Variants in DNAAF11 observed in about 807,000 individuals in gnomAD.
DNAAF11 encodes the protein dynein axonemal assembly factor 11, also known as leucine rich repeat containing 6.
A neutral mutation model predicts 60.8 loss-of-function variants in DNAAF11; 45 were observed. The ratio of observed to expected loss-of-function variants is 0.74; its 90% confidence interval spans 0.58 to 0.95. The LOEUF (loss-of-function observed/expected upper bound fraction) is 0.95, where lower values mean the gene tolerates loss of function less well. DNAAF11 is among the 40% of genes least tolerant of loss of function. The pLI is 0.00. For synonymous variants in DNAAF11, 191 were observed against 183.5 expected, an observed-to-expected ratio of 1.04 and a Z score of -0.33; for missense variants, 546 against 546.2, an observed-to-expected ratio of 1.00 and a Z score of 0.00.
At chr8:132,595,346 GGGAAAAAAAA>G (rs1261209134) in intron 10 of DNAAF11, among the ~76,000 whole-genome samples, 43 of 8,390 alleles carry the variant, frequency 5.1e-3, no homozygotes, top group African/African-American at 0.028. Flanking sequence ...AGAGACAGAG[GGGAAAAAAAA>G]AAAAAAAAAA....
At chr8:132,670,926 C>T (rs11998161) in intron 1 of DNAAF11, among the ~76,000 whole-genome samples, 2 of 151,986 alleles carry the variant, frequency 1.3e-5, no homozygotes, top group Admixed American at 6.5e-5. Context: ...GACAACAACT[C>T]GGAAAACCAG....
chr8:132,702,905 A>G, the DNAAF11 span, among the ~76,000 whole-genome samples: 2 of 152,222 alleles, frequency 1.3e-5, no homozygotes, highest in African/African-American at 4.8e-5. Flanking sequence ...GAAGATTAGG[A>G]AGGCGGAAGG....
At chr8:132,689,396 T>C in the DNAAF11 span, among the ~76,000 whole-genome samples, 1 of 152,168 alleles carries the variant, frequency 6.6e-6, no homozygotes, top group Non-Finnish European at 1.5e-5. Context: ...TCTTTGTTTA[T>C]TGACTTTAAC....
upstream of DNAAF11, chr8:132,675,627 G>T (rs937775195): frequency 3.4e-5 from 31 of 911,798 alleles, 1 homozygote; most frequent in African/African-American, 5.0e-4. Context: ...TACGGCGGCC[G>T]CGCGGGACCA....
rs955675396 is a variant in DNAAF11, at chr8:132,633,065, T to C, written c.430-102A>G. ...GAAATAATAATATACCCGATAGTGATAGAGAATTAAAACAATATAATTAAT... is the reference window on the plus strand; with the variant it reads ...GAAATAATAATATACCCGATAGTGACAGAGAATTAAAACAATATAATTAAT... On this transcript the variant is annotated intron_variant, in intron 4 of 11. Transcript: ENST00000620350. 4.5e-5 allele frequency: 30 copies of C among 662,974 alleles called. 4 individuals carry two copies. The Middle Eastern group carries it at 5.6e-3, about 124-fold the overall frequency. The allele number at this position is 662,974 out of a possible 1,614,324, so 41.1% of individuals were successfully genotyped here.
chr8:132,651,718 G>A lies in DNAAF11; in HGVS notation c.256+5112C>T, dbSNP rs189094288. 7.5e-4 allele frequency among the ~76,000 whole-genome samples: 114 copies of A among 152,210 alleles called. 3 individuals are homozygous for A. Among genetic ancestry groups the A allele is most frequent in the African/African-American group, 2.7e-3 (112 of 41,508 alleles). ...TACTTACTTCACAAAATTAACAAGC[G>A]CTGGACAACCCAGCCAAGAGTCCCA... On this transcript the variant is annotated intron_variant, in intron 3 of 11. Transcript: ENST00000620350.
chr8:132,663,019 A>G (rs1442379242), intron 1 of DNAAF11, among the ~76,000 whole-genome samples: 1 of 152,248 alleles, frequency 6.6e-6, no homozygotes, highest in Admixed American at 6.5e-5. Flanking sequence ...AAGAAGGACC[A>G]GAGCAATGTA....
chr8:132,625,325 T>A lies in DNAAF11; in HGVS notation c.783A>T (p.Arg261Ser), dbSNP rs1166721454. The change falls in exon 6 of 12, where the codon AGA (arginine) becomes AGT (serine). Residue 261 changes from arginine to serine, a missense_variant. Coordinates refer to ENST00000620350, the MANE Select transcript of DNAAF11 (RefSeq NM_012472.6). ...TTTCCATGTGTCTAAGAGTTTCCAA[T>A]CTTGATTCAGGAGTAAACAAACAGG... Reference protein sequence around the residue: ...NKPCLFTPESRLETLRHMEKQ... With the variant: ...NKPCLFTPESSLETLRHMEKQ... The A allele has an allele frequency of 3.7e-6, 6 of 1,613,082 alleles. No individual in the cohort carries two copies. Among genetic ancestry groups the A allele is most frequent in the South Asian group, 1.1e-5 (1 of 90,758 alleles).
At chr8:132,675,673 C>T (rs1463463183), upstream of DNAAF11, 47 of 533,656 alleles carry the variant, frequency 8.8e-5, no homozygotes, top group South Asian at 1.4e-3. Context: ...GCGGAGCAAG[C>T]AGAGGAGACC....
chr8:132,600,406 G>C (rs1170087487), intron 10 of DNAAF11, among the ~76,000 whole-genome samples: 5 of 151,946 alleles, frequency 3.3e-5, no homozygotes. Flanking sequence ...TTTCTTCACA[G>C]AATTGGAAAA....
At chr8:132,687,998 T>C in the DNAAF11 span, among the ~76,000 whole-genome samples, 1 of 152,204 alleles carries the variant, frequency 6.6e-6, no homozygotes, top group South Asian at 2.1e-4. Flanking sequence ...AAATTTAACA[T>C]CCTGATATCT....
chr8:132,590,176 C>T (rs1816316081), intron 10 of DNAAF11, among the ~76,000 whole-genome samples: 1 of 152,196 alleles, frequency 6.6e-6, no homozygotes, highest in African/African-American at 2.4e-5. Context: ...TGTTAACTGG[C>T]TTCCACCTGG....
At chr8:132,674,129 GGAGGAGAAGGAGGAGGAA>G (rs1825489582) in intron 1 of DNAAF11, among the ~76,000 whole-genome samples, 11 of 148,740 alleles carry the variant, frequency 7.4e-5, no homozygotes, top group East Asian at 4.0e-4. Context: ...AGGAGGAGGA[GGAGGAGAAGGAGGAGGAA>G]GAGGAGGAGG....
At chr8:132,691,160 T>TAGGAGAAGAGTTTATTCTTCTCCA in the DNAAF11 span, among the ~76,000 whole-genome samples, 6 of 152,302 alleles carry the variant, frequency 3.9e-5, no homozygotes, top group African/African-American at 1.4e-4. Flanking sequence ...TTCTTCTCCA[T>TAGGAGAAGAGTTTATTCTTCTCCA]TAACTTAGTT....
rs866859617 is a variant in DNAAF11 at position 132,611,306 on chromosome 8, C to T, written c.1032G>A (p.Met344Ile). The change falls in exon 9 of 12, where the codon ATG becomes ATA. Residue 344 changes from methionine (M) to isoleucine (I), a missense_variant. Met to Ile is a conservative substitution (Grantham distance 10). Transcript: ENST00000620350. ...VDVQPTYVRV[M>I]IKGKPFQLVL... ...GGGTTCTACTTACCTTTCCTTTGAT[C>T]ATTACTCGCACGTAAGTTGGTTGCA... 4 of 1,611,600 alleles carry T rather than the reference C, an allele frequency of 2.5e-6. No individual in the cohort carries two copies. The highest frequency in any genetic ancestry group is 3.4e-6 in the Non-Finnish European group (4 of 1,177,886).
At position 132,675,472 on chromosome 8, in the gene DNAAF11, A is replaced by G; in HGVS notation, c.10+12T>C. 4 of 1,564,480 alleles carry G rather than the reference A, an allele frequency of 2.6e-6. No individual in the cohort carries two copies. Among genetic ancestry groups the G allele is most frequent in the Non-Finnish European group, 3.5e-6 (4 of 1,152,114 alleles). ...GGGAACGATCGAGGACGGAAGGTGGAGGGGGGCTTACTCCAGCCCATGGCG... is the reference window on the plus strand; with the variant it reads ...GGGAACGATCGAGGACGGAAGGTGGGGGGGGGCTTACTCCAGCCCATGGCG... On this transcript the variant is annotated intron_variant, in intron 1 of 11. Coordinates refer to ENST00000620350, the MANE Select transcript of DNAAF11 (RefSeq NM_012472.6).
the DNAAF11 span, among the ~76,000 whole-genome samples, chr8:132,688,513 C>T: frequency 6.6e-6 from 1 of 152,166 alleles, no homozygotes; most frequent in East Asian, 1.9e-4. Context: ...GTATTTGGTT[C>T]ACGGGTGAAC....
intron 4 of DNAAF11, among the ~76,000 whole-genome samples, chr8:132,635,622 C>CA (rs993604285): frequency 1.3e-5 from 2 of 151,794 alleles, no homozygotes; most frequent in Non-Finnish European, 2.9e-5. Flanking sequence ...GTTGAATTGA[C>CA]AAAAAAAGAT....
intron 1 of DNAAF11, among the ~76,000 whole-genome samples, chr8:132,674,168 GGAGGAGGAGGAGA>G (rs1825520142): frequency 3.5e-5 from 5 of 142,882 alleles, no homozygotes; most frequent in African/African-American, 1.4e-4. Flanking sequence ...AGAAGGAGAA[GGAGGAGGAGGAGA>G]AGGAGGAGGA....
Sources: gnomAD v4.1 joint callset for allele counts (sites outside exome capture counted in the v4.1 genomes callset) on GRCh38, gnomAD v4.1.1 for gene constraint, MANE v1.5 for transcripts, NCBI Gene and HGNC (gene_info 2026-07-23, HGNC 2026-07-21) for gene names.